Variants in RBFOX1 observed in about 807,000 individuals in gnomAD.
RBFOX1 encodes RNA binding fox-1 homolog 1.
In RBFOX1, 8 loss-of-function variants were observed where a neutral mutation model predicts 57.7. The observed-to-expected ratio is 0.14, with a 90% CI of 0.08 to 0.25. The LOEUF is 0.25. Ranked by LOEUF, RBFOX1 falls within the 10% of genes least tolerant of loss-of-function variation. The pLI is 1.00. For synonymous variants in RBFOX1, 326 were observed against 222.4 expected (o/e 1.47, Z -4.15); for missense variants, 611 against 548.5 (o/e 1.11, Z -1.14).
At chr16:7,642,022 G>A (rs1293998888) in intron 11 of RBFOX1, among the ~76,000 whole-genome samples, 2 of 152,186 alleles carry the variant, frequency 1.3e-5, no homozygotes, top group Admixed American at 1.3e-4. Context: ...GGCTGAGGTG[G>A]GAGGATGACT....
At chr16:6,040,298 G>C (rs889838618) in intron 1 of RBFOX1, among the ~76,000 whole-genome samples, 2 of 152,100 alleles carry the variant, frequency 1.3e-5, no homozygotes, top group Admixed American at 1.3e-4. Flanking sequence ...ACTATCACCC[G>C]TCTCCAGAAC....
intron 3 of RBFOX1, among the ~76,000 whole-genome samples, chr16:6,664,531 G>T (rs1251688530): frequency 2.6e-5 from 4 of 152,198 alleles, no homozygotes; most frequent in Non-Finnish European, 5.9e-5. Flanking sequence ...ACCACAAGTA[G>T]ATCTCATTGT....
intron 1 of RBFOX1, among the ~76,000 whole-genome samples, chr16:5,279,432 T>C (rs2063217462): frequency 6.6e-6 from 1 of 152,194 alleles, no homozygotes; most frequent in South Asian, 2.1e-4. Context: ...GAAACATTAC[T>C]GATTTTTGTG....
At chr16:5,708,334 G>T (rs888398019) in intron 3 of RBFOX1, among the ~76,000 whole-genome samples, 1 of 152,110 alleles carries the variant, frequency 6.6e-6, no homozygotes, top group Non-Finnish European at 1.5e-5. Context: ...AAAAGACATA[G>T]TCCTGCCTCT....
intron 4 of RBFOX1, among the ~76,000 whole-genome samples, chr16:6,007,994 C>G (rs1380685003): frequency 1.3e-5 from 2 of 152,132 alleles, no homozygotes; most frequent in African/African-American, 2.4e-5. Context: ...GGGCAGATCA[C>G]TTGAGGTCAG....
intron 3 of RBFOX1, among the ~76,000 whole-genome samples, chr16:6,984,384 G>C (rs1445479550): frequency 2.6e-5 from 4 of 152,114 alleles, no homozygotes; most frequent in African/African-American, 9.7e-5. Context: ...ACATCCTACA[G>C]CACTACTGAG....
intron 4 of RBFOX1, among the ~76,000 whole-genome samples, chr16:7,177,530 T>A (rs2081927626): frequency 6.6e-6 from 1 of 152,058 alleles, no homozygotes; most frequent in Admixed American, 6.6e-5. Flanking sequence ...TCAGGGATGC[T>A]TTATATGGTT....
At chr16:6,835,585 C>G (rs12445931) in intron 3 of RBFOX1, among the ~76,000 whole-genome samples, 4 of 151,506 alleles carry the variant, frequency 2.6e-5, no homozygotes, top group African/African-American at 7.3e-5. Context: ...AACCCCATCT[C>G]TACCAAAAAT....
At chr16:7,559,034 C>T (rs1244989161) in intron 5 of RBFOX1, among the ~76,000 whole-genome samples, 4 of 152,068 alleles carry the variant, frequency 2.6e-5, no homozygotes, top group Non-Finnish European at 5.9e-5. Context: ...AGTGCCTGGT[C>T]TCTGTTAAAG....
chr16:7,362,310 G>A (rs200550590), intron 4 of RBFOX1, among the ~76,000 whole-genome samples: 12 of 113,090 alleles, frequency 1.1e-4, no homozygotes, highest in African/African-American at 2.1e-4. Flanking sequence ...GTGTGTTTGC[G>A]TGTGTGTGTG....
At chr16:6,147,070 C>T (rs1403948143) in intron 1 of RBFOX1, among the ~76,000 whole-genome samples, 1 of 152,174 alleles carries the variant, frequency 6.6e-6, no homozygotes, top group Admixed American at 6.5e-5. Flanking sequence ...TACAGAGACT[C>T]AGGCCCCAGC....
intron 4 of RBFOX1, among the ~76,000 whole-genome samples, chr16:5,986,910 G>A (rs1271020352): frequency 3.3e-5 from 5 of 152,170 alleles, no homozygotes; most frequent in South Asian, 2.1e-4. Flanking sequence ...CTGCCGGATC[G>A]TGTGGTAATT....
intron 4 of RBFOX1, among the ~76,000 whole-genome samples, chr16:7,083,081 C>G (rs950023824): frequency 6.7e-6 from 1 of 149,822 alleles, no homozygotes; most frequent in Non-Finnish European, 1.5e-5. Context: ...GAAAATGTCA[C>G]TCTGCTCATT....
chr16:5,620,782 G>A (rs2048178688), intron 3 of RBFOX1, among the ~76,000 whole-genome samples: 1 of 152,130 alleles, frequency 6.6e-6, no homozygotes, highest in Admixed American at 6.5e-5. Context: ...GGGCTCAAGT[G>A]ATCCTCCCAC....
chr16:6,651,422 A>C (rs12924317), intron 2 of RBFOX1, among the ~76,000 whole-genome samples: 39,071 of 151,858 alleles, frequency 0.26, 5,232 homozygotes, highest in East Asian at 0.33. Context: ...ATCCACCATC[A>C]TGTCACACCT....
chr16:5,400,293 A>C (rs1313183696), intron 1 of RBFOX1, among the ~76,000 whole-genome samples: 2 of 151,300 alleles, frequency 1.3e-5, no homozygotes, highest in East Asian at 1.9e-4. Context: ...GGATTTCAGC[A>C]TGTTGGTCAG....
intron 1 of RBFOX1, among the ~76,000 whole-genome samples, chr16:6,053,023 C>A (rs1311528831): frequency 6.6e-6 from 1 of 151,964 alleles, no homozygotes; most frequent in Non-Finnish European, 1.5e-5. Flanking sequence ...CACCACATCT[C>A]AGTAATTTTA....
At chr16:7,214,030 T>C (rs2091609356) in intron 4 of RBFOX1, among the ~76,000 whole-genome samples, 1 of 152,184 alleles carries the variant, frequency 6.6e-6, no homozygotes, top group Non-Finnish European at 1.5e-5. Flanking sequence ...ACCTCTCCCC[T>C]TTGCCTAGAA....
chr16:6,989,096 C>T (rs1225578083), intron 3 of RBFOX1, among the ~76,000 whole-genome samples: 1 of 152,054 alleles, frequency 6.6e-6, no homozygotes, highest in Non-Finnish European at 1.5e-5. Context: ...GGGATTTCGC[C>T]ATGTTGGGCA....
Sources: gnomAD v4.1 joint callset for allele counts (sites outside exome capture counted in the v4.1 genomes callset) on GRCh38, gnomAD v4.1.1 for gene constraint, MANE v1.5 for transcripts, NCBI Gene and HGNC (gene_info 2026-07-23, HGNC 2026-07-21) for gene names.